Variants in SNX13 observed in about 807,000 individuals in gnomAD.
SNX13 encodes sorting nexin-13.
In SNX13, 45 loss-of-function variants were observed where a neutral mutation model predicts 133.6. That is an observed-to-expected ratio of 0.34 (90% CI 0.27 to 0.43). SNX13 has a LOEUF of 0.43. Ranked by LOEUF, SNX13 falls within the 20% of genes least tolerant of loss-of-function variation. SNX13 has a pLI of 1.00. For synonymous variants in SNX13, 414 were observed against 373.9 expected (o/e 1.11, Z -1.24); for missense variants, 1,032 against 1,145.1 (o/e 0.90, Z 1.43).
chr7:17,896,514 C>A (rs927392467), intron 2 of SNX13, among the ~76,000 whole-genome samples: 2 of 152,104 alleles, frequency 1.3e-5, no homozygotes, highest in African/African-American at 2.4e-5. Flanking sequence ...TCAGCTAAAT[C>A]CTCCAAACCT....
chr7:17,873,007 A>C (rs977629260), intron 8 of SNX13, among the ~76,000 whole-genome samples: 2 of 152,218 alleles, frequency 1.3e-5, no homozygotes, highest in Non-Finnish European at 2.9e-5. Context: ...TACAGTTTTT[A>C]AAGTTTCTGT....
chr7:17,798,995 G>C lies in SNX13; in HGVS notation c.2444+14C>G, dbSNP rs765371829. 2.5e-6 allele frequency: 4 copies of C among 1,602,760 alleles called. No homozygotes were observed. The highest frequency in any genetic ancestry group is 2.6e-6 in the Non-Finnish European group (3 of 1,174,860). On this transcript the variant is annotated intron_variant, in intron 23 of 25. Coordinates refer to ENST00000428135, the MANE Select transcript of SNX13 (RefSeq NM_015132.5). ...AGTAAGATCAGATTAAAAGCGAGGAGGAAAGAGTGCTACCTATTAATAGTA... is the reference window on the plus strand; with the variant it reads ...AGTAAGATCAGATTAAAAGCGAGGACGAAAGAGTGCTACCTATTAATAGTA...
At chr7:17,796,008 G>C (rs1272801175) in intron 25 of SNX13, 1 of 151,608 alleles carries the variant, frequency 6.6e-6, no homozygotes, top group African/African-American at 2.4e-5. Flanking sequence ...AATTGGTATT[G>C]TGTGATATTA....
chr7:17,864,774 A>AG (rs1164572642), intron 9 of SNX13, among the ~76,000 whole-genome samples: 1 of 151,578 alleles, frequency 6.6e-6, no homozygotes, highest in Non-Finnish European at 1.5e-5. Flanking sequence ...AAGGAAAAGA[A>AG]GGAGAAGGAG....
Position 17,845,698 on chromosome 7 carries a change from C to G in SNX13, c.1066-4G>C, listed in dbSNP as rs1256841146. On this transcript the variant is annotated splice_polypyrimidine_tract_variant and splice_region_variant and intron_variant, in intron 11 of 25. Coordinates refer to ENST00000428135, the MANE Select transcript of SNX13 (RefSeq NM_015132.5). Reference sequence around the variant, plus strand: ...CAAGTTTCACAGTATTTATTTCCTACAGGCAAAAGTGAATATAAGTTAATA... The same window carrying G: ...CAAGTTTCACAGTATTTATTTCCTAGAGGCAAAAGTGAATATAAGTTAATA... The G allele has an allele frequency of 1.9e-6, 3 of 1,568,918 alleles. No individual in the cohort carries two copies. In the African/African-American group the frequency reaches 4.1e-5, roughly 21 times the overall value.
chr7:17,878,149 A>C (rs982220190), intron 5 of SNX13, among the ~76,000 whole-genome samples: 1 of 152,086 alleles, frequency 6.6e-6, no homozygotes, highest in African/African-American at 2.4e-5. Context: ...TTTCTATTAG[A>C]GCTCTTAGTA....
At chr7:17,870,566 A>T (rs1793967274) in intron 8 of SNX13, among the ~76,000 whole-genome samples, 1 of 152,224 alleles carries the variant, frequency 6.6e-6, no homozygotes, top group East Asian at 1.9e-4. Flanking sequence ...TTCCTGTAAC[A>T]AGGCAGATTT....
At chr7:17,800,957 A>G (rs898156363) in intron 22 of SNX13, among the ~76,000 whole-genome samples, 2 of 148,020 alleles carry the variant, frequency 1.4e-5, no homozygotes, top group African/African-American at 4.9e-5. Context: ...ATGGCAATGT[A>G]AGTGGTACAA....
At chr7:17,888,599 T>G (rs899525565) in intron 5 of SNX13, 2 of 454,002 alleles carry the variant, frequency 4.4e-6, no homozygotes, top group African/African-American at 4.0e-5. Context: ...AAATTATGGG[T>G]GTTGGATGGC....
At chr7:17,894,936 G>C (rs963948816) in intron 2 of SNX13, among the ~76,000 whole-genome samples, 3 of 152,164 alleles carry the variant, frequency 2.0e-5, no homozygotes, top group African/African-American at 4.8e-5. Flanking sequence ...ATCAGTTTAA[G>C]TCATTAATTC....
intron 9 of SNX13, among the ~76,000 whole-genome samples, chr7:17,851,869 G>A (rs766017161): frequency 1.3e-5 from 2 of 152,008 alleles, no homozygotes; most frequent in African/African-American, 4.8e-5. Flanking sequence ...ACAGAAATAC[G>A]CATTTTAAAG....
intron 15 of SNX13, chr7:17,831,826 T>C (rs1788525458): frequency 2.0e-6 from 2 of 982,666 alleles, no homozygotes; most frequent in South Asian, 4.7e-5. Context: ...AATAATCATA[T>C]AAAAAGAAGT....
intron 5 of SNX13, among the ~76,000 whole-genome samples, chr7:17,883,696 T>G (rs964758964): frequency 6.6e-6 from 1 of 152,156 alleles, no homozygotes; most frequent in Admixed American, 6.5e-5. Context: ...CTTATCCTAA[T>G]GCTATCCCTC....
intron 1 of SNX13, among the ~76,000 whole-genome samples, chr7:17,931,140 T>A (rs1035387671): frequency 3.3e-5 from 5 of 152,188 alleles, no homozygotes; most frequent in Admixed American, 2.6e-4. Flanking sequence ...AAGAAAAAGA[T>A]CAGATGTTAG....
At chr7:17,806,220 A>C (rs1178462005) in intron 20 of SNX13, among the ~76,000 whole-genome samples, 1 of 52 alleles carries the variant, frequency 0.019, no homozygotes, top group Admixed American at 0.1. Flanking sequence ...TCACCATGAT[A>C]ACAAAACTGG....
intron 25 of SNX13, chr7:17,794,706 G>A (rs1783864465): frequency 6.5e-6 from 1 of 153,720 alleles, no homozygotes; most frequent in Non-Finnish European, 1.4e-5. Context: ...AAAGTGATCT[G>A]TAAACTTTGT....
chr7:17,821,039 G>T (rs942373224), intron 18 of SNX13, among the ~76,000 whole-genome samples: 10 of 152,110 alleles, frequency 6.6e-5, no homozygotes, highest in African/African-American at 2.2e-4. Flanking sequence ...TTTATTTTAT[G>T]TTGTGATTCA....
At position 17,794,285 on chromosome 7, in the gene SNX13, C is replaced by T. The variant is rs376932171; in HGVS notation, c.2634G>A (p.Leu878=). The T allele has an allele frequency of 9.3e-6, 15 of 1,608,258 alleles. No homozygotes were observed. The highest frequency in any genetic ancestry group is 1.3e-5 in the Non-Finnish European group (15 of 1,177,092). The change falls in exon 26 of 26, where the codon CTG becomes CTA. Residue 878 remains leucine, a synonymous_variant. Coordinates refer to ENST00000428135, the MANE Select transcript of SNX13 (RefSeq NM_015132.5). ...TKLLAIMPDE[L]KHIIGAETTR... is the part of the protein sequence containing the mutation. Reference sequence around the variant, plus strand: ...TTGTCTCAGCCCCAATAATGTGCTTCAGCTCATCTAAATGAAGTGGAGGAA... The same window carrying T: ...TTGTCTCAGCCCCAATAATGTGCTTTAGCTCATCTAAATGAAGTGGAGGAA...
chr7:17,888,613 A>G, intron 5 of SNX13: 1 of 462,246 alleles, frequency 2.2e-6, no homozygotes, highest in South Asian at 1.6e-5. Flanking sequence ...GGATGGCATA[A>G]AAACTTAAAT....
Sources: allele counts gnomAD v4.1 joint callset (sites outside exome capture counted in the v4.1 genomes callset), GRCh38; gene constraint gnomAD v4.1.1; transcripts MANE v1.5; gene names NCBI Gene and HGNC (gene_info 2026-07-23, HGNC 2026-07-21).